PRUNE2: variants seen among roughly 807,000 people sequenced by gnomAD.
The protein encoded by PRUNE2 is prune homolog 2 with BCH domain.
Under a neutral mutation model 252.0 loss-of-function variants are expected in PRUNE2, and 164 were observed. The ratio of observed to expected loss-of-function variants is 0.65; its 90% CI spans 0.57 to 0.74. The LOEUF is 0.74. Among genes scored for constraint, PRUNE2 ranks in the 30% least tolerant of loss-of-function variants. PRUNE2 has a pLI of 0.00. For missense variants in PRUNE2, 3,495 were observed against 3,711.0 expected (o/e 0.94, Z 1.51); for synonymous variants, 1,292 against 1,350.2 (o/e 0.96, Z 0.94).
chr9:76,648,256 G>A (rs1254481451), intron 11 of PRUNE2, among the ~76,000 whole-genome samples: 1 of 152,110 alleles, frequency 6.6e-6, no homozygotes, highest in Non-Finnish European at 1.5e-5. Flanking sequence ...GGAAGAGTTT[G>A]GCAGTTTCTT....
intron 6 of PRUNE2, among the ~76,000 whole-genome samples, chr9:76,783,190 G>A (rs2054609627): frequency 6.6e-6 from 1 of 152,208 alleles, no homozygotes; most frequent in African/African-American, 2.4e-5. Context: ...AGGTTCGAGT[G>A]CAATGGCACA....
intron 6 of PRUNE2, among the ~76,000 whole-genome samples, chr9:76,723,004 C>G (rs916677249): frequency 2.0e-5 from 3 of 152,182 alleles, no homozygotes; most frequent in South Asian, 2.1e-4. Flanking sequence ...CAAGCAACAT[C>G]CTTGATTTTG....
chr9:76,724,085 G>A (rs887396547), intron 6 of PRUNE2, among the ~76,000 whole-genome samples: 10 of 147,820 alleles, frequency 6.8e-5, no homozygotes, highest in Middle Eastern at 3.2e-3. Flanking sequence ...GTGAGCCACC[G>A]CACCCGGCCA....
rs372603025 is a variant in PRUNE2, at chr9:76,619,480, A to C, written c.9189-93T>G. ...GATTTGAGGCATTTGAAACTGTTTA[A>C]TGTGGTCCCATTGCTAATACTGAAC... is the stretch of plus-strand genomic sequence containing the variant. On this transcript the variant is annotated intron_variant, in intron 17 of 18. Coordinates refer to ENST00000376718, the MANE Select transcript of PRUNE2 (RefSeq NM_015225.3). 3.7e-6 allele frequency: 3 copies of C among 805,922 alleles called. No homozygotes were observed. The African/African-American group carries it at 5.1e-5, about 14-fold the overall frequency. The allele number at this position is 805,922 out of a possible 1,614,324, so 49.9% of individuals were successfully genotyped here.
In PRUNE2 at chr9:76,703,968, C is replaced by T; in HGVS notation, c.7645G>A (p.Asp2549Asn). 1.2e-6 allele frequency: 2 copies of T among 1,613,954 alleles called. No homozygotes were observed. The highest frequency in any genetic ancestry group is 1.1e-5 in the South Asian group (1 of 91,076). ...TCTTCACGGTTTACAAGTATGTAAT[C>T]CATGTGTAGTGCATGACGATCTTCA... ...KNEDRHALHM[D>N]YILVNREENS... The change falls in exon 9 of 19, where the codon GAT (aspartate) becomes AAT (asparagine). Residue 2549 changes from aspartate (D) to asparagine (N), a missense_variant. Asp to Asn is a conservative substitution (Grantham distance 23). Transcript: ENST00000376718.
At position 76,613,637 on chromosome 9, in the gene PRUNE2, T is replaced by C. The variant is rs1399427253; in HGVS notation, c.*933A>G. On this transcript the variant is annotated 3_prime_UTR_variant, in exon 19 of 19. Transcript: ENST00000376718. Reference sequence around the variant, plus strand: ...TATGAAGACTATAAAGGAAATATTTTGTACATGAAAGTAATACTCATATTT... The same window carrying C: ...TATGAAGACTATAAAGGAAATATTTCGTACATGAAAGTAATACTCATATTT... The C allele has an allele frequency of 2.6e-5, 4 of 152,232 alleles. No individual in the cohort carries two copies. The highest frequency in any genetic ancestry group is 5.9e-5 in the Non-Finnish European group (4 of 68,046). 9.4% of individuals were successfully genotyped at this position (152,232 alleles called of 1,614,324 possible). A position where few individuals can be genotyped will look rare whatever the true frequency, so the allele number is the denominator to read the frequency against.
At chr9:76,818,563 G>A (rs907697136) in intron 6 of PRUNE2, among the ~76,000 whole-genome samples, 2 of 152,088 alleles carry the variant, frequency 1.3e-5, no homozygotes, top group Admixed American at 6.6e-5. Context: ...CAGAGTGGCT[G>A]GTCATGAGGA....
At chr9:76,766,584 G>A (rs1672177610) in intron 6 of PRUNE2, among the ~76,000 whole-genome samples, 3 of 152,028 alleles carry the variant, frequency 2.0e-5, no homozygotes, top group Admixed American at 2.0e-4. Flanking sequence ...CTTTTTCTGG[G>A]AATCTTGCTT....
intron 6 of PRUNE2, among the ~76,000 whole-genome samples, chr9:76,716,519 T>C (rs1278301256): frequency 6.6e-6 from 1 of 152,242 alleles, no homozygotes; most frequent in Non-Finnish European, 1.5e-5. Flanking sequence ...CAGCTCTTTG[T>C]TCCTATGGCA....
intron 1 of PRUNE2, among the ~76,000 whole-genome samples, chr9:76,854,549 T>C (rs971757650): frequency 3.9e-5 from 6 of 152,230 alleles, no homozygotes; most frequent in African/African-American, 9.6e-5. Context: ...CATTTCTTTA[T>C]ATAAGATGTT....
At position 76,708,204 on chromosome 9, in the gene PRUNE2, T is replaced by G; in HGVS notation, c.4070A>C (p.Glu1357Ala). 6.2e-7 allele frequency: 1 copy of G among 1,613,980 alleles called. No individual in the cohort carries two copies. The highest frequency in any genetic ancestry group is 8.5e-7 in the Non-Finnish European group (1 of 1,179,882). The part of the protein sequence containing the change: ...SGVENASGIS[E>A]KGQSDQELSS... The stretch of plus-strand genomic sequence containing the variant: ...CAGTTCCTGGTCACTCTGCCCTTTT[T>G]CAGAAATCCCTGAGGCATTCTCCAC... Residue 1357 changes from glutamate (E) to alanine (A), a missense_variant, in exon 8 of 19, where the codon GAA becomes GCA. Glu to Ala is a moderately radical substitution (Grantham distance 107). Transcript: ENST00000376718.
At chr9:76,848,972 C>G (rs1353186803) in intron 3 of PRUNE2, among the ~76,000 whole-genome samples, 2 of 152,128 alleles carry the variant, frequency 1.3e-5, no homozygotes, top group African/African-American at 4.8e-5. Flanking sequence ...ACAGCTCAAC[C>G]ATGAGATGAC....
chr9:76,755,174 C>T (rs1385594535), intron 6 of PRUNE2, among the ~76,000 whole-genome samples: 3 of 151,996 alleles, frequency 2.0e-5, no homozygotes, highest in Admixed American at 6.6e-5. Context: ...TGAAATCACA[C>T]TGTATATTTA....
rs116775234 is a variant in PRUNE2, at chr9:76,706,345, C to T, written c.5929G>A (p.Ala1977Thr). 3,797 of 1,613,934 alleles carry T rather than the reference C, an allele frequency of 2.4e-3. 83 individuals carry two copies. The African/African-American group carries it at 0.044, about 19-fold the overall frequency. The change falls in exon 8 of 19, where the codon GCA (alanine) becomes ACA (threonine). Residue 1977 changes from alanine to threonine, a missense_variant. Physicochemically the swap from Ala to Thr is moderately conservative, Grantham distance 58. Coordinates refer to ENST00000376718, the MANE Select transcript of PRUNE2 (RefSeq NM_015225.3). ...GATGTAACACAACTATTTTCCTCTG[C>T]GTGAGTAAAGGCTGTGTCCGGATGA... is the stretch of plus-strand genomic sequence containing the variant. ...CDHPDTAFTH[A>T]EENSCVTSNV... is the part of the protein sequence containing the mutation.
At chr9:76,771,779 T>C (rs2053135987) in intron 6 of PRUNE2, among the ~76,000 whole-genome samples, 1 of 152,200 alleles carries the variant, frequency 6.6e-6, no homozygotes, top group Non-Finnish European at 1.5e-5. Context: ...TTTCCAATTA[T>C]TTCCCAGAGG....
chr9:76,649,612 T>TAGATAGATAGATA (rs1554795862), intron 11 of PRUNE2, among the ~76,000 whole-genome samples: 1 of 149,868 alleles, frequency 6.7e-6, no homozygotes, highest in Non-Finnish European at 1.5e-5. Context: ...GATAGATAGA[T>TAGATAGATAGATA]GATAGATAGA....
intron 5 of PRUNE2, among the ~76,000 whole-genome samples, chr9:76,825,931 T>A (rs767650460): frequency 6.6e-6 from 1 of 152,232 alleles, no homozygotes; most frequent in Non-Finnish European, 1.5e-5. Context: ...ATTAACTGAT[T>A]TATGAAATCC....
intron 6 of PRUNE2, among the ~76,000 whole-genome samples, chr9:76,729,289 C>A (rs976088095): frequency 6.6e-6 from 1 of 152,168 alleles, no homozygotes. Flanking sequence ...GACACCTGGG[C>A]CCCACTTCTA....
At chr9:76,837,860 C>T (rs1365930644) in intron 4 of PRUNE2, among the ~76,000 whole-genome samples, 2 of 151,034 alleles carry the variant, frequency 1.3e-5, no homozygotes, top group Non-Finnish European at 2.9e-5. Context: ...CAAGCTCTGC[C>T]TCCTGGGTTC....
Sources: allele counts gnomAD v4.1 joint callset (sites outside exome capture counted in the v4.1 genomes callset), GRCh38; gene constraint gnomAD v4.1.1; transcripts MANE v1.5; gene names NCBI Gene and HGNC (gene_info 2026-07-23, HGNC 2026-07-21).